Variants in TRDMT1 observed in about 807,000 individuals in gnomAD.
TRDMT1 encodes the protein tRNA (cytosine(38)-C(5))-methyltransferase.
In TRDMT1, 49 loss-of-function variants were observed where a neutral mutation model predicts 51.2. The observed-to-expected ratio is 0.96, with a 90% CI of 0.76 to 1.21. TRDMT1 has a LOEUF of 1.21. TRDMT1 is among the 50% of genes most tolerant of loss of function. The pLI, the probability that TRDMT1 is intolerant of heterozygous loss-of-function variation, is 0.00. For synonymous variants in TRDMT1, 187 were observed against 164.6 expected (o/e 1.14, Z -1.04); for missense variants, 534 against 462.3 (o/e 1.16, Z -1.42).
At chr10:17,187,928 G>A (rs932697977) in intron 1 of TRDMT1, among the ~76,000 whole-genome samples, 3 of 152,124 alleles carry the variant, frequency 2.0e-5, no homozygotes, top group Non-Finnish European at 4.4e-5. Flanking sequence ...GTTTAAGGAT[G>A]TAGCCAAAAT....
intron 1 of TRDMT1, among the ~76,000 whole-genome samples, chr10:17,175,189 A>T (rs763737121): frequency 6.6e-6 from 1 of 152,222 alleles, no homozygotes; most frequent in Non-Finnish European, 1.5e-5. Context: ...TAGAGCTTAC[A>T]TAAGTTTTTA....
At chr10:17,169,026 T>G in intron 2 of TRDMT1, 109 bp from the exon 3 acceptor site, 1 of 748,126 alleles carries the variant, frequency 1.3e-6, no homozygotes, top group Non-Finnish European at 2.1e-6. Context: ...AAACAGTTTA[T>G]AATACAATGC....
intron 8 of TRDMT1, among the ~76,000 whole-genome samples, chr10:17,156,531 G>A (rs1027797233): frequency 6.6e-6 from 1 of 151,932 alleles, no homozygotes; most frequent in Non-Finnish European, 1.5e-5. Flanking sequence ...CAGCGTGCCC[G>A]GCCAAAATTT....
intron 1 of TRDMT1, among the ~76,000 whole-genome samples, chr10:17,191,746 G>A (rs961690587): frequency 2.0e-5 from 3 of 152,150 alleles, no homozygotes; most frequent in Admixed American, 6.5e-5. Context: ...AGGAGGGAGA[G>A]AGTGTATCTT....
At chr10:17,152,661 C>T (rs867056615) in intron 10 of TRDMT1, among the ~76,000 whole-genome samples, 13 of 152,270 alleles carry the variant, frequency 8.5e-5, no homozygotes, top group Middle Eastern at 3.4e-3. Context: ...CACCCCAGGC[C>T]TAAGAAACCC....
Position 17,137,997 on chromosome 10 carries a change from T to C in TRDMT1, c.*11043A>G, listed in dbSNP as rs900373707. On this transcript the variant is annotated 3_prime_UTR_variant, in exon 11 of 11. Transcript: ENST00000377799. ...GGATGTTCTTTTATCTTGAGTGCAA[T>C]AATCCTTATGTGATATTTCTGCTAG... 1.3e-5 allele frequency among the ~76,000 whole-genome samples: 2 copies of C among 152,154 alleles called. No homozygotes were observed. Among genetic ancestry groups the C allele is most frequent in the Non-Finnish European group, 2.9e-5 (2 of 68,030 alleles).
chr10:17,152,257 C>T (rs1177964045), intron 10 of TRDMT1, among the ~76,000 whole-genome samples: 1 of 152,040 alleles, frequency 6.6e-6, no homozygotes, highest in East Asian at 1.9e-4. Context: ...CAACACTCCC[C>T]AGGATATTTG....
At chr10:17,201,441 A>T (rs965412084) in intron 1 of TRDMT1, 130 bp downstream of exon 1, 3 of 879,316 alleles carry the variant, frequency 3.4e-6, no homozygotes, top group African/African-American at 4.2e-5. Flanking sequence ...AGGACAACCG[A>T]GGGCCGCCCC....
chr10:17,176,690 TG>T (rs543133175), intron 1 of TRDMT1, among the ~76,000 whole-genome samples: 321 of 152,218 alleles, frequency 2.1e-3, no homozygotes, highest in African/African-American at 7.3e-3. Flanking sequence ...AAAATAGAAT[TG>T]GGGGGTGGTT....
chr10:17,185,397 G>A (rs1317813468), intron 1 of TRDMT1, among the ~76,000 whole-genome samples: 6 of 149,564 alleles, frequency 4.0e-5, no homozygotes, highest in East Asian at 1.9e-4. Flanking sequence ...TTAGAATGGC[G>A]ATCATTAAAA....
At position 17,199,350 on chromosome 10, in the gene TRDMT1, C is replaced by G. The variant is rs139509527; in HGVS notation, c.64+2221G>C. Among the ~76,000 whole-genome samples the G allele has an allele frequency of 1.2e-3, 186 of 152,156 alleles. 1 individual carries two copies. The highest frequency in any genetic ancestry group is 4.3e-3 in the African/African-American group (177 of 41,508). ...CAGCCAGGGAAGGCCAATATATGAA[C>G]TAAGACATGAAATGTGAACCGAAGC... On this transcript the variant is annotated intron_variant, in intron 1 of 10. Transcript: ENST00000377799.
chr10:17,146,589 G>A lies in TRDMT1; in HGVS notation c.*2451C>T, dbSNP rs1261193368. The A allele has an allele frequency of 8.4e-5, 83 of 985,130 alleles. No homozygotes were observed. The highest frequency in any genetic ancestry group is 9.8e-5 in the Non-Finnish European group (81 of 829,808). 61.0% of individuals were successfully genotyped at this position (985,130 alleles called of 1,614,324 possible). ...GTAATAAATACCTTACAATTATCTG[G>A]CAAGCCGTTTAAAAGAGCAGGGATG... On this transcript the variant is annotated 3_prime_UTR_variant, in exon 11 of 11. Coordinates refer to ENST00000377799, the MANE Select transcript of TRDMT1 (RefSeq NM_004412.7).
At chr10:17,163,218 T>C (rs1293260036) in intron 3 of TRDMT1, among the ~76,000 whole-genome samples, 3 of 151,950 alleles carry the variant, frequency 2.0e-5, no homozygotes, top group African/African-American at 7.3e-5. Context: ...GGCTAGCAAA[T>C]AGATCCTACA....
chr10:17,187,999 G>C (rs1844171744), intron 1 of TRDMT1, among the ~76,000 whole-genome samples: 1 of 149,704 alleles, frequency 6.7e-6, no homozygotes, highest in Non-Finnish European at 1.5e-5. Context: ...TTTATATTCA[G>C]TTTAATTACT....
Position 17,201,603 on chromosome 10 carries a change from C to T in TRDMT1, c.32G>A (p.Ser11Asn). 1 of 1,548,464 alleles carries T rather than the reference C, an allele frequency of 6.5e-7. No individual in the cohort carries two copies. The highest frequency in any genetic ancestry group is 8.7e-7 in the Non-Finnish European group (1 of 1,145,792). ...CGCGTGGTGCATGCCGCCCACGCCG[C>T]TGTATAGCTCCAGCACCCGCAGGGG... Reference protein sequence around the residue: MEPLRVLELYSGVGGMHHALR... With the variant: MEPLRVLELYNGVGGMHHALR... The change falls in exon 1 of 11, where the codon AGC (serine) becomes AAC (asparagine). Residue 11 changes from serine (S) to asparagine (N), a missense_variant. Transcript: ENST00000377799.
intron 1 of TRDMT1, among the ~76,000 whole-genome samples, chr10:17,197,418 C>T (rs1450713548): frequency 1.3e-5 from 2 of 152,048 alleles, no homozygotes; most frequent in Non-Finnish European, 2.9e-5. Context: ...ACAGAAGCAT[C>T]TATGTAGTGA....
rs1838274113 is a variant in TRDMT1, at chr10:17,148,075, T to C, written c.*965A>G. ...TGTCACTTGCTTTTATCACAAACCA[T>C]AGAATTTATGATGCAAGACTTAGTT... is the stretch of plus-strand genomic sequence containing the variant. On this transcript the variant is annotated 3_prime_UTR_variant, in exon 11 of 11. Coordinates refer to ENST00000377799, the MANE Select transcript of TRDMT1 (RefSeq NM_004412.7). The C allele has an allele frequency of 1.2e-5, 12 of 985,306 alleles. No individual in the cohort carries two copies. In the South Asian group the frequency reaches 1.9e-4, roughly 15 times the overall value. The allele number at this position is 985,306 out of a possible 1,614,324, so 61.0% of individuals were successfully genotyped here.
At chr10:17,152,721 G>C (rs1838916716) in intron 10 of TRDMT1, among the ~76,000 whole-genome samples, 1 of 152,226 alleles carries the variant, frequency 6.6e-6, no homozygotes, top group African/African-American at 2.4e-5. Flanking sequence ...GGATCAGGGA[G>C]ATGGGCTGGG....
intron 8 of TRDMT1, among the ~76,000 whole-genome samples, chr10:17,155,088 G>C (rs758827594): frequency 6.6e-6 from 1 of 152,002 alleles, no homozygotes; most frequent in African/African-American, 2.4e-5. Flanking sequence ...AGCCAGGCGT[G>C]GTGGTGCGTG....
Sources: gnomAD v4.1 joint callset for allele counts (sites outside exome capture counted in the v4.1 genomes callset) on GRCh38, gnomAD v4.1.1 for gene constraint, MANE v1.5 for transcripts, NCBI Gene and HGNC (gene_info 2026-07-23, HGNC 2026-07-21) for gene names.